The following RGP1 variants were observed in gnomAD, a reference collection of about 807,000 sequenced individuals.
The protein encoded by RGP1 is RAB6A-GEF complex partner protein 2.
RGP1 carries 28 observed loss-of-function variants against 44.5 expected under a neutral mutation model. The ratio of observed to expected loss-of-function variants is 0.63; its 90% CI spans 0.47 to 0.86. The LOEUF (loss-of-function observed/expected upper bound fraction) is 0.86, where lower values mean the gene tolerates loss of function less well. Among genes scored for constraint, RGP1 ranks in the 40% least tolerant of loss-of-function variants. The probability of loss-of-function intolerance (pLI) is 0.00; values close to 1 mark genes in which losing one functional copy is unlikely to be tolerated. For synonymous variants in RGP1, 212 were observed against 196.7 expected, an observed-to-expected ratio of 1.08 and a Z score of -0.65; for missense variants, 417 against 490.7, an observed-to-expected ratio of 0.85 and a Z score of 1.42.
rs1827383395 is a variant in RGP1, at chr9:35,758,006, T to G, written c.*5132T>G. 1 of 152,262 alleles carries G rather than the reference T, an allele frequency of 6.6e-6. No individual in the cohort carries two copies. Among genetic ancestry groups the G allele is most frequent in the African/African-American group, 2.4e-5 (1 of 41,466 alleles). The allele number at this position is 152,262 out of a possible 1,614,324, so 9.4% of individuals were successfully genotyped here. On this transcript the variant is annotated 3_prime_UTR_variant, in exon 9 of 9. Coordinates refer to ENST00000378078, the MANE Select transcript of RGP1 (RefSeq NM_001080496.3). ...GGCTCTCAGATTGGTAATATGGTATTCAGCCTTTTTCTTGTTTGGCTTTTG... is the reference window on the plus strand; with the variant it reads ...GGCTCTCAGATTGGTAATATGGTATGCAGCCTTTTTCTTGTTTGGCTTTTG...
chr9:35,770,309 T>C, the RGP1 span, among the ~76,000 whole-genome samples: 26 of 152,322 alleles, frequency 1.7e-4, no homozygotes, highest in African/African-American at 5.8e-4. Context: ...GGTGGGAAGA[T>C]ATTTTGGAGG....
At position 35,754,195 on chromosome 9, in the gene RGP1, G is replaced by A; in HGVS notation, c.*1321G>A. On this transcript the variant is annotated 3_prime_UTR_variant, in exon 9 of 9. Coordinates refer to ENST00000378078, the MANE Select transcript of RGP1 (RefSeq NM_001080496.3). ...TCAGCTACTCTGGTCTTGACTCCTTGACTTTGCTTTGCGTTGCTCCTTGAG... is the reference window on the plus strand; with the variant it reads ...TCAGCTACTCTGGTCTTGACTCCTTAACTTTGCTTTGCGTTGCTCCTTGAG... 6.4e-7 allele frequency: 1 copy of A among 1,554,048 alleles called. No homozygotes were observed.
intron 2 of RGP1, 139 bp from the exon 3 acceptor site, chr9:35,750,102 GTT>G: frequency 7.8e-7 from 1 of 1,276,102 alleles, no homozygotes; most frequent in Non-Finnish European, 1.1e-6. Context: ...TTATTTAATG[GTT>G]TCTCTTTGGG....
chr9:35,777,679 T>C, the RGP1 span, among the ~76,000 whole-genome samples: 1 of 152,176 alleles, frequency 6.6e-6, no homozygotes, highest in African/African-American at 2.4e-5. Context: ...CCTACTGATC[T>C]TGGATTATAC....
Position 35,749,663 on chromosome 9 carries a change from T to A in RGP1, c.-19-74T>A. ...TGCTGACCACCCCTGTCCTCAGCCCTCAGCCCTAGGTGCTCACCGCAACGC... is the reference window on the plus strand; with the variant it reads ...TGCTGACCACCCCTGTCCTCAGCCCACAGCCCTAGGTGCTCACCGCAACGC... On this transcript the variant is annotated intron_variant, in intron 1 of 8. Coordinates refer to ENST00000378078, the MANE Select transcript of RGP1 (RefSeq NM_001080496.3). The surrounding 1 kb of genome is among the most constrained non-coding windows in gnomAD (Gnocchi z 4.4). The A allele has an allele frequency of 3.5e-6, 3 of 861,062 alleles. No individual in the cohort carries two copies. Among genetic ancestry groups the A allele is most frequent in the Non-Finnish European group, 5.7e-6 (3 of 521,802 alleles). The allele number at this position is 861,062 out of a possible 1,614,324, so 53.3% of individuals were successfully genotyped here. A position where few individuals can be genotyped will look rare whatever the true frequency, so the allele number is the denominator to read the frequency against.
chr9:35,754,021 T>TG lies in RGP1; in HGVS notation c.*1148dup. ...TTACCTTGAGCTTGGAAGTAGCACT[T>TG]GCTGTAGACTCCTGGGTGCTGGAGG... On this transcript the variant is annotated 3_prime_UTR_variant, in exon 9 of 9. Coordinates refer to ENST00000378078, the MANE Select transcript of RGP1 (RefSeq NM_001080496.3). 1 of 1,613,614 alleles carries TG rather than the reference T, an allele frequency of 6.2e-7. No individual in the cohort carries two copies. Among genetic ancestry groups the TG allele is most frequent in the Non-Finnish European group, 8.5e-7 (1 of 1,179,704 alleles).
chr9:35,771,403 G>A, the RGP1 span, among the ~76,000 whole-genome samples: 1 of 152,156 alleles, frequency 6.6e-6, no homozygotes, highest in Non-Finnish European at 1.5e-5. Flanking sequence ...TTGCTTTTCT[G>A]AAACATATTT....
At chr9:35,763,844 T>TG in the RGP1 span, among the ~76,000 whole-genome samples, 1 of 127,022 alleles carries the variant, frequency 7.9e-6, no homozygotes. Flanking sequence ...ATCTTGCCAC[T>TG]GCACTCCAGT....
In RGP1 at chr9:35,753,512, T is replaced by C. The variant is rs1193710054; in HGVS notation, c.*638T>C. 2.5e-6 allele frequency: 2 copies of C among 786,774 alleles called. No individual in the cohort carries two copies. Among genetic ancestry groups the C allele is most frequent in the Non-Finnish European group, 4.1e-6 (2 of 487,666 alleles). 48.7% of individuals were successfully genotyped at this position (786,774 alleles called of 1,614,324 possible). Reference sequence around the variant, plus strand: ...CTGATTTATAGCCTGAAGCCTTATCTTTCACACTAGTGTTGGTCCCTTCAG... The same window carrying C: ...CTGATTTATAGCCTGAAGCCTTATCCTTCACACTAGTGTTGGTCCCTTCAG... On this transcript the variant is annotated 3_prime_UTR_variant, in exon 9 of 9. Transcript: ENST00000378078. This position sits in a 1 kb window ranked among gnomAD's most constrained non-coding sequence, Gnocchi z 4.2.
At chr9:35,751,233 T>C in intron 5 of RGP1, 33 bp from the exon 6 acceptor site, 1 of 1,611,278 alleles carries the variant, frequency 6.2e-7, no homozygotes, top group Non-Finnish European at 8.5e-7. Flanking sequence ...CCGTTCCCTC[T>C]CAGCATTACC....
chr9:35,777,554 A>G, the RGP1 span, among the ~76,000 whole-genome samples: 1 of 151,522 alleles, frequency 6.6e-6, no homozygotes, highest in African/African-American at 2.4e-5. Flanking sequence ...TTTGGCCTCA[A>G]ATGATCCTTC....
In RGP1 at chr9:35,751,740, G is replaced by A. The variant is rs369730817; in HGVS notation, c.748G>A (p.Val250Ile). The A allele has an allele frequency of 1.5e-4, 239 of 1,613,836 alleles. No individual in the cohort carries two copies. The highest frequency in any genetic ancestry group is 1.9e-4 in the Non-Finnish European group (225 of 1,179,864). Residue 250 changes from valine (V) to isoleucine (I), a missense_variant, in exon 7 of 9, where the codon GTA becomes ATA. Coordinates refer to ENST00000378078, the MANE Select transcript of RGP1 (RefSeq NM_001080496.3). ...GACCTTAAACTTAGGGGAAGGAACC[G>A]TAGCTTGTTTGCAGGTAAGAAGGGA... ...VGTLNLGEGT[V>I]ACLQFSVSLQ...
Position 35,751,738 on chromosome 9 carries a change from C to G in RGP1, c.746C>G (p.Thr249Ser). 1 of 1,613,902 alleles carries G rather than the reference C, an allele frequency of 6.2e-7. No homozygotes were observed. Among genetic ancestry groups the G allele is most frequent in the Non-Finnish European group, 8.5e-7 (1 of 1,179,884 alleles). ...VVGTLNLGEG[T>S]VACLQFSVSL... Reference sequence around the variant, plus strand: ...GGGACCTTAAACTTAGGGGAAGGAACCGTAGCTTGTTTGCAGGTAAGAAGG... The same window carrying G: ...GGGACCTTAAACTTAGGGGAAGGAAGCGTAGCTTGTTTGCAGGTAAGAAGG... The change falls in exon 7 of 9, where the codon ACC (threonine) becomes AGC (serine). Residue 249 changes from threonine (T) to serine (S), a missense_variant. Thr to Ser is a moderately conservative substitution (Grantham distance 58). Transcript: ENST00000378078.
chr9:35,761,665 C>A (rs1363225040), downstream of RGP1, among the ~76,000 whole-genome samples: 1 of 151,916 alleles, frequency 6.6e-6, no homozygotes, highest in Non-Finnish European at 1.5e-5. Flanking sequence ...CAGAGCAAGA[C>A]CCTGTCTCAA....
At chr9:35,760,927 A>G (rs1416396401), downstream of RGP1, among the ~76,000 whole-genome samples, 3 of 152,254 alleles carry the variant, frequency 2.0e-5, no homozygotes, top group Non-Finnish European at 4.4e-5. Flanking sequence ...TCCCACAAGC[A>G]TCATGGACTG....
the RGP1 span, among the ~76,000 whole-genome samples, chr9:35,775,762 A>C: frequency 6.6e-6 from 1 of 152,212 alleles, no homozygotes; most frequent in Non-Finnish European, 1.5e-5. Context: ...CAGTGTAAAA[A>C]CAAGCAAACT....
chr9:35,751,668 T>C lies in RGP1; in HGVS notation c.676T>C (p.Phe226Leu). Reference sequence around the variant, plus strand: ...TGATGGCCGAGGGAAAGTTGGGACGTTTGGCATCTTCAAATCTGTGTACAG... The same window carrying C: ...TGATGGCCGAGGGAAAGTTGGGACGCTTGGCATCTTCAAATCTGTGTACAG... ...ISDGRGKVGT[F>L]GIFKSVYRLG... The change falls in exon 7 of 9, where the codon TTT becomes CTT. Residue 226 changes from phenylalanine (F) to leucine (L), a missense_variant. Coordinates refer to ENST00000378078, the MANE Select transcript of RGP1 (RefSeq NM_001080496.3). 6.2e-7 allele frequency: 1 copy of C among 1,613,964 alleles called. No homozygotes were observed. Among genetic ancestry groups the C allele is most frequent in the Admixed American group, 1.7e-5 (1 of 60,020 alleles).
chr9:35,786,247 CCCTCTTGCCACTTG>C, the RGP1 span, among the ~76,000 whole-genome samples: 1 of 152,194 alleles, frequency 6.6e-6, no homozygotes, highest in East Asian at 1.9e-4. Flanking sequence ...GGACACCTTT[CCCTCTTGCCACTTG>C]CCTCTTGCCA....
At chr9:35,789,148 G>C in the RGP1 span, among the ~76,000 whole-genome samples, 1 of 152,046 alleles carries the variant, frequency 6.6e-6, no homozygotes, top group Non-Finnish European at 1.5e-5. Context: ...CTCCCAAGTA[G>C]CTGGGATTAC....
Sources: allele counts gnomAD v4.1 joint callset (sites outside exome capture counted in the v4.1 genomes callset), GRCh38; gene constraint gnomAD v4.1.1; non-coding constraint Gnocchi (gnomAD v3.1); transcripts MANE v1.5; gene names NCBI Gene and HGNC (gene_info 2026-07-23, HGNC 2026-07-21).